The following MACC1 variants were observed in gnomAD, a reference collection of about 807,000 sequenced individuals.
MACC1 encodes the protein MET transcriptional regulator MACC1.
MACC1 carries 79 observed loss-of-function variants against 70.7 expected under a neutral mutation model. The observed-to-expected ratio is 1.12, with a 90% confidence interval of 0.93 to 1.35. The LOEUF is 1.35. Ranked by LOEUF, MACC1 falls within the 40% of genes most tolerant of loss-of-function variation. The pLI, the probability that MACC1 is intolerant of heterozygous loss-of-function variation, is 0.00. For synonymous variants in MACC1, 361 were observed against 347.2 expected (o/e 1.04, Z -0.44); for missense variants, 1,106 against 978.1 (o/e 1.13, Z -1.74).
At position 20,161,784 on chromosome 7, in the gene MACC1, C is replaced by T; in HGVS notation, c.79G>A (p.Glu27Lys). 6.2e-7 allele frequency: 1 copy of T among 1,612,432 alleles called. No individual in the cohort carries two copies. Among genetic ancestry groups the T allele is most frequent in the Non-Finnish European group, 8.5e-7 (1 of 1,178,838 alleles). Residue 27 changes from glutamate to lysine, a missense_variant, in exon 4 of 7, where the codon GAA (glutamate) becomes AAA (lysine). By Grantham distance (56) the Glu-to-Lys change is moderately conservative. Transcript: ENST00000400331. ...CAACTTTTTGAGAGTTTTCCAGCTT[C>T]CATGTCAATCAAATTTGCTTCAGAC... The part of the protein sequence containing the change: ...SMSEANLIDM[E>K]AGKLSKSCNI...
chr7:20,210,925 G>T (rs552797336), intron 1 of MACC1, among the ~76,000 whole-genome samples: 2 of 152,156 alleles, frequency 1.3e-5, no homozygotes, highest in African/African-American at 2.4e-5. Flanking sequence ...GCTTAGTAAA[G>T]TTTAGTCACC....
At chr7:20,156,363 T>C (rs961596792) in intron 5 of MACC1, among the ~76,000 whole-genome samples, 2 of 152,204 alleles carry the variant, frequency 1.3e-5, no homozygotes, top group Non-Finnish European at 2.9e-5. Context: ...ATTTTCTAAT[T>C]AGCCGCTTGA....
rs79003078 is a variant in MACC1, at chr7:20,182,932, A to G, written c.-217-12154T>C. Among the ~76,000 whole-genome samples the G allele has an allele frequency of 9.8e-4, 150 of 152,366 alleles. 6 individuals are homozygous for G. The East Asian group carries it at 0.027, about 27-fold the overall frequency. ...ACTGTAGAAAATTCTTATTCTGTAA[A>G]GATCTCAATTTTTCAAATTAAACAT... On this transcript the variant is annotated intron_variant, in intron 1 of 6. Coordinates refer to ENST00000400331, the MANE Select transcript of MACC1 (RefSeq NM_182762.4).
At chr7:20,190,278 A>C (rs146589720) in intron 1 of MACC1, among the ~76,000 whole-genome samples, 1 of 152,358 alleles carries the variant, frequency 6.6e-6, no homozygotes, top group Non-Finnish European at 1.5e-5. Flanking sequence ...CTATCTGCTG[A>C]ATATCAAAGA....
At chr7:20,201,311 G>A (rs970996841) in intron 1 of MACC1, among the ~76,000 whole-genome samples, 2 of 152,194 alleles carry the variant, frequency 1.3e-5, no homozygotes, top group African/African-American at 4.8e-5. Context: ...TCAAATGCTA[G>A]CTCCACAGTG....
At chr7:20,179,299 A>T (rs1782463637) in intron 1 of MACC1, among the ~76,000 whole-genome samples, 1 of 152,242 alleles carries the variant, frequency 6.6e-6, no homozygotes, top group Non-Finnish European at 1.5e-5. Context: ...TTATATAATT[A>T]ATTCATTTTG....
At chr7:20,169,111 A>T (rs1211737383) in intron 2 of MACC1, among the ~76,000 whole-genome samples, 1 of 152,214 alleles carries the variant, frequency 6.6e-6, no homozygotes, top group Non-Finnish European at 1.5e-5. Context: ...AAGGCCACAG[A>T]GCAAAGCTGT....
intron 1 of MACC1, among the ~76,000 whole-genome samples, chr7:20,189,559 G>A (rs1234821746): frequency 2.0e-5 from 3 of 152,192 alleles, no homozygotes; most frequent in Non-Finnish European, 2.9e-5. Context: ...GTTCAAATGT[G>A]ATATATACAT....
At chr7:20,196,756 C>A (rs1416810478) in intron 1 of MACC1, among the ~76,000 whole-genome samples, 1 of 151,900 alleles carries the variant, frequency 6.6e-6, no homozygotes, top group Non-Finnish European at 1.5e-5. Flanking sequence ...GCATGGAGAA[C>A]CGGTTTTCTC....
intron 3 of MACC1, among the ~76,000 whole-genome samples, chr7:20,162,088 C>A (rs913002859): frequency 2.6e-5 from 4 of 151,918 alleles, no homozygotes; most frequent in African/African-American, 4.8e-5. Context: ...TACCAATAAC[C>A]AAATCTGGAA....
At chr7:20,216,549 T>C (rs1783073564) in intron 1 of MACC1, among the ~76,000 whole-genome samples, 1 of 152,126 alleles carries the variant, frequency 6.6e-6, no homozygotes, top group African/African-American at 2.4e-5. Flanking sequence ...CTAAGTATCA[T>C]TTATGTGAGT....
chr7:20,181,111 A>AT (rs907214828), intron 1 of MACC1, among the ~76,000 whole-genome samples: 3 of 145,362 alleles, frequency 2.1e-5, no homozygotes, highest in African/African-American at 8.2e-5. Flanking sequence ...TGTGTGTATA[A>AT]TTAACATTTA....
intron 1 of MACC1, among the ~76,000 whole-genome samples, chr7:20,173,700 C>T (rs946153351): frequency 3.9e-4 from 59 of 152,160 alleles, no homozygotes; most frequent in African/African-American, 1.4e-3. Context: ...ACAATCTGAT[C>T]TTGGGTCCTA....
rs921983575 is a variant in MACC1 at position 20,136,819 on chromosome 7, T to G, written c.*4127A>C. ...TGCGATTAAGGATTATTATTAATTC[T>G]TAAAGATTAAGATTATTATTAATTA... On this transcript the variant is annotated 3_prime_UTR_variant, in exon 7 of 7. Transcript: ENST00000400331. 2 of 150,534 alleles carry G rather than the reference T, an allele frequency of 1.3e-5. No individual in the cohort carries two copies. The highest frequency in any genetic ancestry group is 2.4e-5 in the African/African-American group (1 of 41,214). 9.3% of individuals were successfully genotyped at this position (150,534 alleles called of 1,614,324 possible).
At chr7:20,152,656 G>A (rs913903223) in intron 6 of MACC1, among the ~76,000 whole-genome samples, 1 of 152,094 alleles carries the variant, frequency 6.6e-6, no homozygotes, top group African/African-American at 2.4e-5. Context: ...TCAGCCTCAG[G>A]CAAAGACTTA....
intron 1 of MACC1, among the ~76,000 whole-genome samples, chr7:20,189,544 A>T (rs1337748489): frequency 6.6e-6 from 1 of 152,218 alleles, no homozygotes; most frequent in Non-Finnish European, 1.5e-5. Flanking sequence ...TGATTTGCAA[A>T]TCTAGTTCAA....
At chr7:20,177,517 T>C (rs913724923) in intron 1 of MACC1, among the ~76,000 whole-genome samples, 18 of 152,214 alleles carry the variant, frequency 1.2e-4, no homozygotes, top group Non-Finnish European at 2.6e-4. Flanking sequence ...TTTCTTAGGA[T>C]TTTTTCTTTG....
chr7:20,139,741 C>T lies in MACC1; in HGVS notation c.*1205G>A, dbSNP rs748819537. On this transcript the variant is annotated 3_prime_UTR_variant, in exon 7 of 7. Transcript: ENST00000400331. ...TACATCTCTTTGTGAACTTTGTCAG[C>T]CATTAGCATTTATACTGACCCAGGG... The T allele has an allele frequency of 6.6e-5, 10 of 151,512 alleles. No homozygotes were observed. Among genetic ancestry groups the T allele is most frequent in the Non-Finnish European group, 1.3e-4 (9 of 67,894 alleles). The allele number at this position is 151,512 out of a possible 1,614,324, so 9.4% of individuals were successfully genotyped here.
chr7:20,145,425 G>C (rs1212666641), intron 6 of MACC1, among the ~76,000 whole-genome samples: 1 of 151,986 alleles, frequency 6.6e-6, no homozygotes, highest in African/African-American at 2.4e-5. Flanking sequence ...CAAAGGAAGA[G>C]AGACAGAACC....
Sources: allele counts gnomAD v4.1 joint callset (sites outside exome capture counted in the v4.1 genomes callset), GRCh38; gene constraint gnomAD v4.1.1; transcripts MANE v1.5; gene names NCBI Gene and HGNC (gene_info 2026-07-23, HGNC 2026-07-21).